ASAP2: variants seen among roughly 807,000 people sequenced by gnomAD.
ASAP2 encodes the protein arf-GAP with SH3 domain, ANK repeat and PH domain-containing protein 2.
In ASAP2, 45 loss-of-function variants were observed where a neutral mutation model predicts 131.4. The ratio of observed to expected loss-of-function variants is 0.34; its 90% confidence interval spans 0.27 to 0.44. The LOEUF is 0.44. Among genes scored for constraint, ASAP2 ranks in the 20% least tolerant of loss-of-function variants. The pLI is 1.00. For synonymous variants in ASAP2, 510 were observed against 503.0 expected (o/e 1.01, Z -0.19); for missense variants, 1,011 against 1,297.0 (o/e 0.78, Z 3.39).
chr2:9,374,791 C>A lies in ASAP2; in HGVS notation c.1593C>A (p.Ile531=), dbSNP rs528629388. The A allele has an allele frequency of 9.3e-6, 15 of 1,611,306 alleles. No individual in the cohort carries two copies. Among genetic ancestry groups the A allele is most frequent in the Non-Finnish European group, 1.3e-5 (15 of 1,179,098 alleles). ...ARKDYITAKY[I]ERRYARKKHA... ...AGGACTACATCACAGCCAAGTACAT[C>A]GAGAGGAGATACGCAAGGAAGAAGC... The change falls in exon 17 of 28, where the codon ATC becomes ATA. Residue 531 remains isoleucine, a synonymous_variant. Transcript: ENST00000281419.
intron 7 of ASAP2, among the ~76,000 whole-genome samples, chr2:9,334,201 G>GGTTTT (rs554034673): frequency 7.7e-6 from 1 of 129,494 alleles, no homozygotes; most frequent in African/African-American, 3.0e-5. Context: ...TTTTGTATTT[G>GGTTTT]TTTTTTTTTT....
intron 2 of ASAP2, among the ~76,000 whole-genome samples, chr2:9,287,908 C>T (rs1290277330): frequency 2.6e-5 from 4 of 152,200 alleles, no homozygotes; most frequent in African/African-American, 4.8e-5. Context: ...ACTTAACTAA[C>T]GTCCAAGTGT....
chr2:9,399,983 C>T (rs755607658), intron 24 of ASAP2, 40 bp from the exon 25 acceptor site: 1 of 1,605,634 alleles, frequency 6.2e-7, no homozygotes, highest in Non-Finnish European at 8.5e-7. Flanking sequence ...GGCAGGTGCC[C>T]TCCGGTAGCA....
At chr2:9,400,217 C>G in intron 25 of ASAP2, 145 bp downstream of exon 25, 3 of 611,214 alleles carry the variant, frequency 4.9e-6, no homozygotes, top group Admixed American at 6.1e-5. Context: ...CCTCCTGCCC[C>G]CTCCCCTCCT....
At chr2:9,284,385 G>A (rs905489327) in intron 2 of ASAP2, among the ~76,000 whole-genome samples, 1 of 152,048 alleles carries the variant, frequency 6.6e-6, no homozygotes, top group Non-Finnish European at 1.5e-5. Flanking sequence ...TCTTTTCTCA[G>A]TTAATTAGAA....
chr2:9,267,969 G>A (rs114613331), intron 1 of ASAP2, among the ~76,000 whole-genome samples: 1,571 of 146,128 alleles, frequency 0.011, 20 homozygotes, highest in African/African-American at 0.038. Context: ...AGCGCGCCCC[G>A]CAGGCCTGTC....
rs112939434 is a variant in ASAP2 at position 9,345,534 on chromosome 2, G to A, written c.1023+734G>A. ...TATTGCCTCACCTGGCATGACTAGA[G>A]CTGGTGATAACCACATGGGCTGGTA... On this transcript the variant is annotated intron_variant, in intron 11 of 27. Transcript: ENST00000281419. Among the ~76,000 whole-genome samples the A allele has an allele frequency of 1.9e-3, 293 of 152,280 alleles. 1 individual carries two copies. Among genetic ancestry groups the A allele is most frequent in the African/African-American group, 6.6e-3 (273 of 41,564 alleles).
chr2:9,227,395 G>A (rs997845938), intron 1 of ASAP2, among the ~76,000 whole-genome samples: 2 of 152,180 alleles, frequency 1.3e-5, no homozygotes, highest in African/African-American at 4.8e-5. Flanking sequence ...CATTTACACG[G>A]TGGACTTGTT....
intron 1 of ASAP2, among the ~76,000 whole-genome samples, chr2:9,228,416 T>C (rs1054820676): frequency 6.6e-6 from 1 of 152,184 alleles, no homozygotes; most frequent in Non-Finnish European, 1.5e-5. Flanking sequence ...AGTCTTTGAG[T>C]CTATAATCAC....
At chr2:9,303,439 G>C (rs886231411) in intron 3 of ASAP2, among the ~76,000 whole-genome samples, 1 of 152,200 alleles carries the variant, frequency 6.6e-6, no homozygotes, top group African/African-American at 2.4e-5. Flanking sequence ...AGGTGACTTG[G>C]CTTGTTAGAC....
At chr2:9,263,496 C>G (rs1423707575) in intron 1 of ASAP2, among the ~76,000 whole-genome samples, 1 of 152,214 alleles carries the variant, frequency 6.6e-6, no homozygotes, top group Non-Finnish European at 1.5e-5. Context: ...CTTTTCTTCC[C>G]CCTAAATAAA....
At chr2:9,356,517 G>A (rs988186638) in intron 14 of ASAP2, among the ~76,000 whole-genome samples, 172 bp downstream of exon 14, 3 of 152,212 alleles carry the variant, frequency 2.0e-5, no homozygotes, top group Admixed American at 2.0e-4. Context: ...ACCGCGGCAG[G>A]GGAGAGGGGC....
At chr2:9,263,374 C>G (rs1205514198) in intron 1 of ASAP2, among the ~76,000 whole-genome samples, 1 of 152,198 alleles carries the variant, frequency 6.6e-6, no homozygotes. Flanking sequence ...GGGGTCCTGC[C>G]CAGAGCTGCC....
chr2:9,286,213 A>G (rs1303615940), intron 2 of ASAP2, among the ~76,000 whole-genome samples: 2 of 152,072 alleles, frequency 1.3e-5, no homozygotes, highest in Non-Finnish European at 2.9e-5. Context: ...CCTAGGCAAC[A>G]TGGCGAAACC....
At chr2:9,385,091 T>C (rs1452252768) in intron 20 of ASAP2, among the ~76,000 whole-genome samples, 154 bp from the exon 21 acceptor site, 1 of 152,214 alleles carries the variant, frequency 6.6e-6, no homozygotes, top group Non-Finnish European at 1.5e-5. Context: ...CGCTGTGAAG[T>C]AGGCAGAGGG....
Position 9,379,036 on chromosome 2 carries a change from G to T in ASAP2, c.1925G>T (p.Arg642Leu), listed in dbSNP as rs757978691. 1 of 1,572,894 alleles carries T rather than the reference G, an allele frequency of 6.4e-7. No homozygotes were observed. The highest frequency in any genetic ancestry group is 8.6e-7 in the Non-Finnish European group (1 of 1,158,574). Reference sequence around the variant, plus strand: ...GCCGAGTGCCTCAAGTTGCTCCTGCGGGGGAAGGCCTCCATCGAGATAGGT... The same window carrying T: ...GCCGAGTGCCTCAAGTTGCTCCTGCTGGGGAAGGCCTCCATCGAGATAGGT... ...DNAECLKLLLRGKASIEIANE... is the reference protein window; with the variant it reads ...DNAECLKLLLLGKASIEIANE... The change falls in exon 19 of 28, where the codon CGG becomes CTG. Residue 642 changes from arginine to leucine, a missense_variant. Transcript: ENST00000281419.
At chr2:9,274,985 G>A (rs1311971848) in intron 1 of ASAP2, among the ~76,000 whole-genome samples, 2 of 151,762 alleles carry the variant, frequency 1.3e-5, no homozygotes, top group South Asian at 2.1e-4. Flanking sequence ...ATTTGTCAGA[G>A]TTCAATTGTG....
rs116760385 is a variant in ASAP2 at position 9,321,302 on chromosome 2, A to C, written c.470+965A>C. Among the ~76,000 whole-genome samples the C allele has an allele frequency of 2.9e-3, 443 of 152,252 alleles. 3 individuals carry two copies. Among genetic ancestry groups the C allele is most frequent in the African/African-American group, 0.01 (428 of 41,544 alleles). On this transcript the variant is annotated intron_variant, in intron 5 of 27. Transcript: ENST00000281419. ...GCCCCACACCTTTGATACTCCTTCT[A>C]TCCATGGGAATCTTACATTTCCATA...
chr2:9,320,861 C>G (rs17522184), intron 5 of ASAP2, among the ~76,000 whole-genome samples: 2 of 152,068 alleles, frequency 1.3e-5, no homozygotes, highest in South Asian at 4.1e-4. Context: ...TGGATGTGAA[C>G]TACGGTTTCT....
Sources: gnomAD v4.1 joint callset for allele counts (sites outside exome capture counted in the v4.1 genomes callset) on GRCh38, gnomAD v4.1.1 for gene constraint, MANE v1.5 for transcripts, NCBI Gene and HGNC (gene_info 2026-07-23, HGNC 2026-07-21) for gene names.